The following KLF12 variants were observed in gnomAD, a reference collection of about 807,000 sequenced individuals.
The protein encoded by KLF12 is Krueppel-like factor 12.
KLF12 carries 9 observed loss-of-function variants against 37.8 expected under a neutral mutation model. The ratio of observed to expected loss-of-function variants is 0.24; its 90% CI spans 0.14 to 0.42. The LOEUF (loss-of-function observed/expected upper bound fraction) is 0.42. KLF12 is among the 10% of genes least tolerant of loss of function. The probability of loss-of-function intolerance (pLI) is 1.00; values close to 1 mark genes in which losing one functional copy is unlikely to be tolerated. For missense variants in KLF12, 411 were observed against 516.0 expected (o/e 0.80, Z 1.97); for synonymous variants, 208 against 202.1 (o/e 1.03, Z -0.25).
At chr13:74,200,382 A>G in the KLF12 span, among the ~76,000 whole-genome samples, 2 of 152,154 alleles carry the variant, frequency 1.3e-5, no homozygotes, top group African/African-American at 4.8e-5. Context: ...TGATTGGAGC[A>G]TGAAGCATGA....
chr13:74,213,455 A>G, the KLF12 span, among the ~76,000 whole-genome samples: 3 of 152,184 alleles, frequency 2.0e-5, no homozygotes, highest in South Asian at 6.2e-4. Flanking sequence ...TATTTCATTT[A>G]TATCAGCAAT....
At chr13:73,797,035 C>T (rs2138312531) in intron 5 of KLF12, among the ~76,000 whole-genome samples, 1 of 152,268 alleles carries the variant, frequency 6.6e-6, no homozygotes, top group Non-Finnish European at 1.5e-5. Flanking sequence ...ATTTATTGGA[C>T]AGGGACACAA....
At chr13:73,955,020 A>AT (rs1428414023) in intron 2 of KLF12, among the ~76,000 whole-genome samples, 3 of 152,204 alleles carry the variant, frequency 2.0e-5, no homozygotes, top group Non-Finnish European at 4.4e-5. Context: ...TACCATGTAT[A>AT]TAAGTCCAGG....
chr13:74,039,588 T>A (rs1349878309), intron 1 of KLF12, among the ~76,000 whole-genome samples: 1 of 152,030 alleles, frequency 6.6e-6, no homozygotes, highest in Admixed American at 6.6e-5. Flanking sequence ...AAAAACATAA[T>A]TCTGTAAAAA....
chr13:73,817,958 C>T (rs1356876767), intron 4 of KLF12, among the ~76,000 whole-genome samples: 1 of 152,252 alleles, frequency 6.6e-6, no homozygotes, highest in Non-Finnish European at 1.5e-5. Context: ...CAAGAACCAA[C>T]CTTGTTTTAG....
the KLF12 span, among the ~76,000 whole-genome samples, chr13:74,191,017 C>T: frequency 7.9e-5 from 12 of 152,334 alleles, no homozygotes; most frequent in South Asian, 2.1e-4. Context: ...CACTGCTACA[C>T]ATTGCTTTAC....
At chr13:74,062,677 TTATC>T (rs1873670398) in intron 1 of KLF12, among the ~76,000 whole-genome samples, 1 of 152,218 alleles carries the variant, frequency 6.6e-6, no homozygotes, top group African/African-American at 2.4e-5. Context: ...TGCTGATAAA[TTATC>T]TATAAATCTG....
chr13:74,036,280 G>A (rs1893242470), intron 1 of KLF12, among the ~76,000 whole-genome samples: 1 of 152,174 alleles, frequency 6.6e-6, no homozygotes, highest in Non-Finnish European at 1.5e-5. Context: ...ATCCTCTGAA[G>A]AGACTCTTAG....
At chr13:73,854,708 G>A (rs963712472) in intron 3 of KLF12, among the ~76,000 whole-genome samples, 3 of 152,012 alleles carry the variant, frequency 2.0e-5, no homozygotes, top group South Asian at 2.1e-4. Flanking sequence ...ATTTGCATAC[G>A]GCCTACACAA....
At chr13:73,745,143 G>A (rs973017389) in intron 6 of KLF12, among the ~76,000 whole-genome samples, 7 of 152,110 alleles carry the variant, frequency 4.6e-5, no homozygotes, top group East Asian at 1.9e-4. Flanking sequence ...TGTTTAAGCC[G>A]TGGTTCATTA....
At chr13:73,912,095 C>T (rs1368406130) in intron 3 of KLF12, among the ~76,000 whole-genome samples, 1 of 152,104 alleles carries the variant, frequency 6.6e-6, no homozygotes, top group Non-Finnish European at 1.5e-5. Flanking sequence ...GAAAATGCTG[C>T]CCATTGTTTA....
At chr13:74,007,570 C>T (rs1892444604) in intron 1 of KLF12, among the ~76,000 whole-genome samples, 1 of 152,090 alleles carries the variant, frequency 6.6e-6, no homozygotes, top group South Asian at 2.1e-4. Flanking sequence ...CCACCGCGGC[C>T]GGCCAAGACA....
At chr13:73,696,333 C>T (rs1198401885) in intron 7 of KLF12, among the ~76,000 whole-genome samples, 2 of 152,152 alleles carry the variant, frequency 1.3e-5, no homozygotes, top group African/African-American at 4.8e-5. Context: ...GAAATCATCA[C>T]GTTGGTCCTA....
intron 7 of KLF12, among the ~76,000 whole-genome samples, chr13:73,699,542 A>T (rs930066538): frequency 2.0e-5 from 3 of 152,254 alleles, no homozygotes; most frequent in Non-Finnish European, 2.9e-5. Context: ...CATGGTATGA[A>T]GATCAGGAGT....
chr13:74,240,001 T>G, the KLF12 span, among the ~76,000 whole-genome samples: 3 of 151,672 alleles, frequency 2.0e-5, no homozygotes, highest in Middle Eastern at 3.2e-3. Flanking sequence ...GTTAGCTGGT[T>G]ATTTTGCTCG....
chr13:74,180,747 C>G, the KLF12 span, among the ~76,000 whole-genome samples: 1 of 151,934 alleles, frequency 6.6e-6, no homozygotes, highest in Non-Finnish European at 1.5e-5. Context: ...CCTGCCTCAG[C>G]TATAGGAATA....
intron 1 of KLF12, among the ~76,000 whole-genome samples, chr13:74,129,781 A>G (rs1878161658): frequency 6.6e-6 from 1 of 152,166 alleles, no homozygotes; most frequent in African/African-American, 2.4e-5. Flanking sequence ...ACAAATTTTT[A>G]TGGAGCAATA....
chr13:74,196,173 A>G, the KLF12 span, among the ~76,000 whole-genome samples: 2 of 152,174 alleles, frequency 1.3e-5, no homozygotes, highest in Non-Finnish European at 1.5e-5. Context: ...ATGCATTGCA[A>G]GACAGCATAT....
intron 3 of KLF12, among the ~76,000 whole-genome samples, chr13:73,936,518 A>G (rs1392468762): frequency 6.6e-6 from 1 of 152,036 alleles, no homozygotes; most frequent in African/African-American, 2.4e-5. Flanking sequence ...GTACTCACCA[A>G]ACCCTTTAGT....
Sources: allele counts gnomAD v4.1 joint callset (sites outside exome capture counted in the v4.1 genomes callset), GRCh38; gene constraint gnomAD v4.1.1; transcripts MANE v1.5; gene names NCBI Gene and HGNC (gene_info 2026-07-23, HGNC 2026-07-21).